EML5: variants seen among roughly 807,000 people sequenced by gnomAD.
EML5 encodes the protein EMAP like 5.
Under a neutral mutation model 250.0 loss-of-function variants are expected in EML5, and 120 were observed. That is an observed-to-expected ratio of 0.48 (90% CI 0.41 to 0.56). The LOEUF is 0.56. Ranked by LOEUF, EML5 falls within the 20% of genes least tolerant of loss-of-function variation. The pLI is 0.00. For synonymous variants in EML5, 771 were observed against 806.5 expected (o/e 0.96, Z 0.75); for missense variants, 2,006 against 2,437.6 (o/e 0.82, Z 3.73).
chr14:88,698,083 C>T lies in EML5; in HGVS notation c.2239-1131G>A, dbSNP rs149238950. Among the ~76,000 whole-genome samples the T allele has an allele frequency of 5.8e-3, 884 of 152,198 alleles. 8 individuals carry two copies. The highest frequency in any genetic ancestry group is 0.02 in the African/African-American group (844 of 41,526). On this transcript the variant is annotated intron_variant, in intron 14 of 43. Transcript: ENST00000554922. ...TATAACAAATAACACTGCAATCAGCCAATATTTCACTAAGTTATTCAGCCA... is the reference window on the plus strand; with the variant it reads ...TATAACAAATAACACTGCAATCAGCTAATATTTCACTAAGTTATTCAGCCA...
chr14:88,692,025 T>C (rs1402079778), intron 17 of EML5, among the ~76,000 whole-genome samples: 1 of 152,180 alleles, frequency 6.6e-6, no homozygotes, highest in African/African-American at 2.4e-5. Context: ...CGGCCTTCCA[T>C]GTTCTCAGGT....
intron 18 of EML5, among the ~76,000 whole-genome samples, chr14:88,687,879 T>C (rs2092871410): frequency 6.6e-6 from 1 of 152,112 alleles, no homozygotes; most frequent in African/African-American, 2.4e-5. Flanking sequence ...AGTTGGAGAC[T>C]ACCCTGGGCA....
intron 14 of EML5, among the ~76,000 whole-genome samples, chr14:88,698,586 T>A (rs1298776120): frequency 6.6e-6 from 1 of 152,052 alleles, no homozygotes; most frequent in Non-Finnish European, 1.5e-5. Context: ...TACTACTGAG[T>A]TTCCTTCTCA....
intron 27 of EML5, among the ~76,000 whole-genome samples, chr14:88,651,728 A>T (rs1312500844): frequency 1.3e-5 from 2 of 151,692 alleles, no homozygotes; most frequent in Admixed American, 6.6e-5. Flanking sequence ...ATATTTTCAT[A>T]TTTATCTGTA....
intron 1 of EML5, among the ~76,000 whole-genome samples, chr14:88,773,844 C>T (rs1446526134): frequency 6.6e-6 from 1 of 152,018 alleles, no homozygotes; most frequent in African/African-American, 2.4e-5. Flanking sequence ...TGGGGCCGGG[C>T]ATAGTGGCTC....
chr14:88,787,988 A>G (rs567121349), intron 1 of EML5, among the ~76,000 whole-genome samples: 8 of 152,308 alleles, frequency 5.3e-5, no homozygotes, highest in Admixed American at 2.0e-4. Context: ...CTGGGCTCCA[A>G]CCCTAGAAGA....
chr14:88,792,529 GC>G lies in EML5; in HGVS notation c.-27del. Reference sequence around the variant, plus strand: ...GTCGGGGCGCCCACCCGCCGCTCCCGCTCGGGCCCGCGGCGGCGACGGGAGG... The same window carrying G: ...GTCGGGGCGCCCACCCGCCGCTCCCGTCGGGCCCGCGGCGGCGACGGGAGG... On this transcript the variant is annotated 5_prime_UTR_variant, in exon 1 of 44. Coordinates refer to ENST00000554922, the MANE Select transcript of EML5 (RefSeq NM_183387.3). This position sits in a 1 kb window ranked among gnomAD's most constrained non-coding sequence, Gnocchi z 6.9. 2 of 1,291,976 alleles carry G rather than the reference GC, an allele frequency of 1.5e-6. No individual in the cohort carries two copies. Among genetic ancestry groups the G allele is most frequent in the Admixed American group, 7.6e-5 (2 of 26,160 alleles). 80.0% of individuals were successfully genotyped at this position (1,291,976 alleles called of 1,614,324 possible).
chr14:88,738,746 C>T (rs1391934221), intron 6 of EML5, 133 bp downstream of exon 6: 3 of 1,048,168 alleles, frequency 2.9e-6, no homozygotes, highest in Non-Finnish European at 4.0e-6. Context: ...TAATCAAATG[C>T]ATACAGGGTG....
At chr14:88,775,561 C>T (rs1219784681) in intron 1 of EML5, among the ~76,000 whole-genome samples, 9 of 152,254 alleles carry the variant, frequency 5.9e-5, no homozygotes, top group Non-Finnish European at 1.0e-4. Context: ...GGAAGGACTG[C>T]GCCTTGTGGT....
Position 88,615,783 on chromosome 14 carries a change from C to T in EML5, c.*35G>A, listed in dbSNP as rs369600644. ...GGTTTTTCTTCTCTGTAATTCTGGTCTCAAAGTTAATTTCTGTAGTCATCT... is the reference window on the plus strand; with the variant it reads ...GGTTTTTCTTCTCTGTAATTCTGGTTTCAAAGTTAATTTCTGTAGTCATCT... On this transcript the variant is annotated 3_prime_UTR_variant, in exon 44 of 44. Transcript: ENST00000554922. 6.2e-7 allele frequency: 1 copy of T among 1,601,614 alleles called. No individual in the cohort carries two copies. The highest frequency in any genetic ancestry group is 8.5e-7 in the Non-Finnish European group (1 of 1,173,958).
chr14:88,637,072 G>A (rs773007089), intron 32 of EML5, among the ~76,000 whole-genome samples: 13 of 152,186 alleles, frequency 8.5e-5, no homozygotes, highest in Non-Finnish European at 1.5e-4. Context: ...TGTAAATGCT[G>A]TTTTGTGTTT....
At chr14:88,633,157 T>G (rs1243655339) in intron 33 of EML5, among the ~76,000 whole-genome samples, 1 of 152,242 alleles carries the variant, frequency 6.6e-6, no homozygotes, top group African/African-American at 2.4e-5. Flanking sequence ...TATCTACTCC[T>G]GGCATAGCTG....
chr14:88,689,712 T>A (rs747064934), intron 17 of EML5, among the ~76,000 whole-genome samples: 6 of 152,034 alleles, frequency 3.9e-5, no homozygotes, highest in Non-Finnish European at 8.8e-5. Flanking sequence ...CCAGCCTGCG[T>A]GACAGAGCAA....
At chr14:88,702,059 A>T (rs1279509299) in intron 14 of EML5, among the ~76,000 whole-genome samples, 1 of 152,162 alleles carries the variant, frequency 6.6e-6, no homozygotes, top group African/African-American at 2.4e-5. Flanking sequence ...TAAAATAAAG[A>T]GACATAGTCC....
chr14:88,616,835 TC>T lies in EML5; in HGVS notation c.5686del (p.Glu1896ArgfsTer50). Reference protein sequence around the residue: ...EVLGIWSRHAEKADVNCACVS... With the variant: ...EVLGIWSRHAXKADVNCACVS... ...ACAGGCACAGTTGACATCAGCTTTC[TC>T]AGCATGTCTGGACCAGATTCCCAAA... On this transcript the variant is annotated frameshift_variant, in exon 42 of 44. Transcript: ENST00000554922. LOFTEE classifies it high-confidence loss of function. 6.2e-7 allele frequency: 1 copy of T among 1,613,942 alleles called. No homozygotes were observed. The highest frequency in any genetic ancestry group is 8.5e-7 in the Non-Finnish European group (1 of 1,179,860).
chr14:88,707,031 T>C (rs983180723), intron 10 of EML5, among the ~76,000 whole-genome samples: 3 of 152,184 alleles, frequency 2.0e-5, no homozygotes, highest in African/African-American at 7.2e-5. Flanking sequence ...AAAAAATCTT[T>C]CAATTTGGGT....
At chr14:88,719,612 T>G (rs2093558146) in intron 8 of EML5, among the ~76,000 whole-genome samples, 1 of 152,122 alleles carries the variant, frequency 6.6e-6, no homozygotes, top group African/African-American at 2.4e-5. Flanking sequence ...GTTCCATATG[T>G]GTATATATAA....
intron 1 of EML5, among the ~76,000 whole-genome samples, chr14:88,756,748 T>C (rs2094165866): frequency 6.6e-6 from 1 of 152,002 alleles, no homozygotes; most frequent in South Asian, 2.1e-4. Context: ...TCAAGAGGAA[T>C]AAAACATTTA....
intron 2 of EML5, among the ~76,000 whole-genome samples, chr14:88,747,792 T>C (rs2094028914): frequency 6.6e-6 from 1 of 151,992 alleles, no homozygotes; most frequent in Non-Finnish European, 1.5e-5. Context: ...AAAACAGAAG[T>C]GGACAGTGAG....
Sources: gnomAD v4.1 joint callset for allele counts (sites outside exome capture counted in the v4.1 genomes callset) on GRCh38, gnomAD v4.1.1 for gene constraint, Gnocchi (gnomAD v3.1) non-coding constraint, MANE v1.5 for transcripts, NCBI Gene and HGNC (gene_info 2026-07-23, HGNC 2026-07-21) for gene names.